Variants in EEFSEC observed in about 807,000 individuals in gnomAD.
EEFSEC encodes the protein eukaryotic elongation factor, selenocysteine-tRNA specific.
EEFSEC carries 43 observed loss-of-function variants against 42.1 expected under a neutral mutation model. That is an observed-to-expected ratio of 1.02 (90% CI 0.80 to 1.32). The LOEUF (loss-of-function observed/expected upper bound fraction) is 1.32. Ranked by LOEUF, EEFSEC falls within the 40% of genes most tolerant of loss-of-function variation. EEFSEC has a pLI of 0.00. For missense variants in EEFSEC, 745 were observed against 803.6 expected (o/e 0.93, Z 0.88); for synonymous variants, 354 against 339.1 (o/e 1.04, Z -0.48).
intron 6 of EEFSEC, among the ~76,000 whole-genome samples, chr3:128,394,701 T>G (rs1397944241): frequency 6.6e-6 from 1 of 152,066 alleles, no homozygotes; most frequent in Non-Finnish European, 1.5e-5. Context: ...GGAACCATGC[T>G]CCCCCAATGG....
intron 4 of EEFSEC, among the ~76,000 whole-genome samples, chr3:128,281,888 C>G (rs2066529980): frequency 6.6e-6 from 1 of 152,170 alleles, no homozygotes; most frequent in Admixed American, 6.5e-5. Flanking sequence ...TGGGGCGTTC[C>G]CCTGAGTTAG....
chr3:128,237,809 C>G (rs1302633480), intron 1 of EEFSEC, among the ~76,000 whole-genome samples: 3 of 152,166 alleles, frequency 2.0e-5, no homozygotes, highest in African/African-American at 2.4e-5. Flanking sequence ...CATTGTTCAC[C>G]CTGGCCTTTC....
chr3:128,275,007 T>G (rs1027977778), intron 4 of EEFSEC, among the ~76,000 whole-genome samples: 1 of 152,206 alleles, frequency 6.6e-6, no homozygotes, highest in Non-Finnish European at 1.5e-5. Context: ...GATGCGGGCT[T>G]GCTGGGCTTA....
intron 1 of EEFSEC, among the ~76,000 whole-genome samples, chr3:128,243,629 C>T (rs999499529): frequency 6.6e-5 from 10 of 152,130 alleles, no homozygotes; most frequent in African/African-American, 9.7e-5. Flanking sequence ...AGCATGGAGC[C>T]GGGTGGGGCA....
chr3:128,396,487 C>T (rs114670966), intron 6 of EEFSEC, among the ~76,000 whole-genome samples: 2,231 of 152,282 alleles, frequency 0.015, 51 homozygotes, highest in African/African-American at 0.05. Flanking sequence ...ACCCCAAGCC[C>T]TGTGCCAGGC....
intron 1 of EEFSEC, among the ~76,000 whole-genome samples, chr3:128,204,070 C>T (rs1403433555): frequency 6.6e-6 from 1 of 152,182 alleles, no homozygotes; most frequent in East Asian, 1.9e-4. Flanking sequence ...AGGAACAAGT[C>T]CTTTGTAAAC....
chr3:128,156,994 C>T (rs548234885), intron 1 of EEFSEC, among the ~76,000 whole-genome samples: 5 of 152,228 alleles, frequency 3.3e-5, no homozygotes, highest in Non-Finnish European at 7.3e-5. Context: ...TCTTACACCA[C>T]ACCAAACAGC....
At chr3:128,169,335 G>A (rs2065271763) in intron 1 of EEFSEC, among the ~76,000 whole-genome samples, 1 of 152,196 alleles carries the variant, frequency 6.6e-6, no homozygotes, top group Non-Finnish European at 1.5e-5. Flanking sequence ...GAGTGAGAGG[G>A]TATCAGCTGG....
At chr3:128,311,761 T>C (rs1355631377) in intron 4 of EEFSEC, among the ~76,000 whole-genome samples, 2 of 152,162 alleles carry the variant, frequency 1.3e-5, no homozygotes, top group Non-Finnish European at 2.9e-5. Context: ...CACTCAGGAG[T>C]GTTCCTTGTT....
chr3:128,425,825 G>C, the EEFSEC span, among the ~76,000 whole-genome samples: 64 of 152,202 alleles, frequency 4.2e-4, no homozygotes, highest in Non-Finnish European at 7.6e-4. Context: ...TTAGGGCAAT[G>C]CTAACAGGGT....
At chr3:128,306,156 T>G (rs1460104920) in intron 4 of EEFSEC, among the ~76,000 whole-genome samples, 1 of 152,220 alleles carries the variant, frequency 6.6e-6, no homozygotes, top group Non-Finnish European at 1.5e-5. Flanking sequence ...TGGAGTTTAT[T>G]GAGTTTTCCT....
intron 2 of EEFSEC, among the ~76,000 whole-genome samples, chr3:128,257,789 G>A (rs913854006): frequency 6.6e-6 from 1 of 152,210 alleles, no homozygotes; most frequent in Non-Finnish European, 1.5e-5. Context: ...AGGCAAAAGT[G>A]CAGGAAGTAC....
At chr3:128,392,363 G>A (rs1168065807) in intron 6 of EEFSEC, among the ~76,000 whole-genome samples, 2 of 152,250 alleles carry the variant, frequency 1.3e-5, no homozygotes, top group Non-Finnish European at 2.9e-5. Context: ...TCACCGGGGA[G>A]CAGGGTTCCA....
At chr3:128,391,102 T>A (rs959659787) in intron 6 of EEFSEC, among the ~76,000 whole-genome samples, 1 of 152,240 alleles carries the variant, frequency 6.6e-6, no homozygotes, top group Non-Finnish European at 1.5e-5. Context: ...CCTGCGTGAT[T>A]CCCTCACCTC....
At chr3:128,411,732 C>T (rs926352125), downstream of EEFSEC, among the ~76,000 whole-genome samples, 5 of 152,242 alleles carry the variant, frequency 3.3e-5, no homozygotes, top group African/African-American at 9.6e-5. Flanking sequence ...TCCCTGGAAT[C>T]GAGACTCTGA....
Position 128,327,295 on chromosome 3 carries a change from C to CA in EEFSEC, c.787-13938_787-13937insA, listed in dbSNP as rs1322232450. 3.9e-5 allele frequency among the ~76,000 whole-genome samples: 4 copies of CA among 103,304 alleles called. No individual in the cohort carries two copies. The South Asian group carries it at 1.3e-3, about 33-fold the overall frequency. 67.8% of individuals were successfully genotyped at this position (103,304 alleles called of 152,430 possible). A position where few individuals can be genotyped will look rare whatever the true frequency, so the allele number is the denominator to read the frequency against. On this transcript the variant is annotated intron_variant, in intron 4 of 6. Transcript: ENST00000254730. ...CACCTCCCTGCACTTTTCCCATCCCCCCCCCCCCAAGGTTGTCCCCCTCTC... is the reference window on the plus strand; with the variant it reads ...CACCTCCCTGCACTTTTCCCATCCCCACCCCCCCCAAGGTTGTCCCCCTCTC...
At position 128,341,501 on chromosome 3, in the gene EEFSEC, G is replaced by T. The variant is rs1481849173; in HGVS notation, c.1055G>T (p.Ser352Ile). ...ETVMGRLMFF[S>I]PAPDNFDQEP... ...GTCATGGGCCGGTTGATGTTCTTCA[G>T]TCCTGCTCCAGATAACTTTGACCAG... The change falls in exon 5 of 7, where the codon AGT becomes ATT. Residue 352 changes from serine (S) to isoleucine (I), a missense_variant. Coordinates refer to ENST00000254730, the MANE Select transcript of EEFSEC (RefSeq NM_021937.5). The T allele has an allele frequency of 6.2e-7, 1 of 1,614,034 alleles. No individual in the cohort carries two copies.
rs373514609 is a variant in EEFSEC at position 128,220,524 on chromosome 3, C to G, written c.317-26312C>G. On this transcript the variant is annotated intron_variant, in intron 1 of 6. Transcript: ENST00000254730. ...GAGGTGCGGCTGGCCTGCTTCCCCC[C>G]ATTCCCTGGTGAAGTATGGCTATGG... is the stretch of plus-strand genomic sequence containing the variant. 7.7e-4 allele frequency among the ~76,000 whole-genome samples: 118 copies of G among 152,282 alleles called. 3 individuals are homozygous for G. In the East Asian group the frequency reaches 0.02, roughly 26 times the overall value.
intron 2 of EEFSEC, among the ~76,000 whole-genome samples, chr3:128,249,715 C>T (rs2066164702): frequency 1.3e-5 from 2 of 152,176 alleles, no homozygotes; most frequent in South Asian, 4.1e-4. Context: ...GATTATTTCA[C>T]TTAGCATAAT....
Sources: allele counts gnomAD v4.1 joint callset (sites outside exome capture counted in the v4.1 genomes callset), GRCh38; gene constraint gnomAD v4.1.1; transcripts MANE v1.5; gene names NCBI Gene and HGNC (gene_info 2026-07-23, HGNC 2026-07-21).